TMLHE: variants seen among roughly 807,000 people sequenced by gnomAD.
TMLHE encodes the protein trimethyllysine hydroxylase, epsilon.
Under a neutral mutation model 25.7 loss-of-function variants are expected in TMLHE, and 18 were observed. That is an observed-to-expected ratio of 0.70 (90% confidence interval 0.48 to 1.04). TMLHE has a LOEUF of 1.04. TMLHE is among the 50% of genes least tolerant of loss of function. The pLI, the probability that TMLHE is intolerant of heterozygous loss-of-function variation, is 0.00. For missense variants in TMLHE, 236 were observed against 259.0 expected, an observed-to-expected ratio of 0.91 and a Z score of 0.61; for synonymous variants, 105 against 97.0, an observed-to-expected ratio of 1.08 and a Z score of -0.49.
At chrX:155,608,262 G>C (rs1265860377) in intron 1 of TMLHE, among the ~76,000 whole-genome samples, 1 of 111,763 alleles carries the variant, frequency 8.9e-6, no homozygotes, top group Non-Finnish European at 1.9e-5. Context: ...TGTGCCTACA[G>C]CCATCTGATC....
intron 1 of TMLHE, among the ~76,000 whole-genome samples, chrX:155,582,617 A>T (rs1376419552): frequency 8.9e-6 from 1 of 112,074 alleles, no homozygotes; most frequent in Non-Finnish European, 1.9e-5. Flanking sequence ...CAAAACCACA[A>T]TGAGATACCA....
chrX:155,506,097 C>G (rs1297839057), intron 6 of TMLHE, among the ~76,000 whole-genome samples: 1 of 111,047 alleles, frequency 9.0e-6, no homozygotes, highest in Non-Finnish European at 1.9e-5. Context: ...AGGAAGGACT[C>G]TAGTCTTTCT....
intron 3 of TMLHE, among the ~76,000 whole-genome samples, chrX:155,515,203 G>T (rs996771587): frequency 9.0e-6 from 1 of 110,579 alleles, no homozygotes; most frequent in Non-Finnish European, 1.9e-5. Context: ...TGTAATTTAT[G>T]TATATAAATA....
intron 1 of TMLHE, among the ~76,000 whole-genome samples, chrX:155,609,362 G>A (rs184415368): frequency 5.6e-4 from 62 of 111,001 alleles, no homozygotes; most frequent in African/African-American, 1.9e-3. Flanking sequence ...CAAAGAAGGG[G>A]ACAATAGACA....
chrX:155,557,022 C>G (rs1329098871), intron 1 of TMLHE, among the ~76,000 whole-genome samples: 7 of 112,399 alleles, frequency 6.2e-5, no homozygotes, highest in Non-Finnish European at 1.1e-4. Flanking sequence ...CTCTTATTCC[C>G]TGAACAACTG....
At chrX:155,555,622 T>A (rs1333819732) in intron 1 of TMLHE, among the ~76,000 whole-genome samples, 12 of 111,447 alleles carry the variant, frequency 1.1e-4, no homozygotes, top group African/African-American at 3.9e-4. Context: ...ATTTCTCTGA[T>A]GACCAGTGAT....
At chrX:155,533,482 G>T (rs1322703541) in intron 2 of TMLHE, among the ~76,000 whole-genome samples, 1 of 111,652 alleles carries the variant, frequency 9.0e-6, no homozygotes, top group Non-Finnish European at 1.9e-5. Flanking sequence ...GTAGGGTACT[G>T]CTGTAACAAA....
intron 4 of TMLHE, among the ~76,000 whole-genome samples, chrX:155,512,033 G>C (rs782352520): frequency 9.0e-6 from 1 of 111,267 alleles, no homozygotes; most frequent in South Asian, 3.8e-4. Flanking sequence ...TATTATGAAA[G>C]CTTGGAGAAT....
At chrX:155,572,523 G>T (rs2067561244) in intron 1 of TMLHE, among the ~76,000 whole-genome samples, 1 of 56,638 alleles carries the variant, frequency 1.8e-5, no homozygotes, top group African/African-American at 4.2e-5. Context: ...AGCCCGCATT[G>T]CCAAGTCAAT....
rs1244901928 is a variant in TMLHE at position 155,560,609 on chromosome X, TAGACTAGGCAGAGGGGATAGCCAATGCAA to T, written c.-1-15361_-1-15333del. Among the ~76,000 whole-genome samples, 16 of 53,590 alleles carry T rather than the reference TAGACTAGGCAGAGGGGATAGCCAATGCAA, an allele frequency of 3.0e-4. 2 individuals are homozygous for T. Among genetic ancestry groups the T allele is most frequent in the African/African-American group, 5.9e-4 (15 of 25,310 alleles). 46.5% of individuals were successfully genotyped at this position (53,590 alleles called of 115,157 possible). A position where few individuals can be genotyped will look rare whatever the true frequency, so the allele number is the denominator to read the frequency against. ...AGTCATAAGGATATCTGGGGTAAAG[TAGACTAGGCAGAGGGGATAGCCAATGCAA>T]AGGCTCTAAGTTGTGATTATATCTG... is the stretch of plus-strand genomic sequence containing the variant. On this transcript the variant is annotated intron_variant, in intron 1 of 7. Transcript: ENST00000334398.
chrX:155,579,934 A>G (rs1210817528), intron 1 of TMLHE, among the ~76,000 whole-genome samples: 1 of 109,115 alleles, frequency 9.2e-6, no homozygotes, highest in Non-Finnish European at 1.9e-5. Flanking sequence ...CACAACTAAG[A>G]CCTCAAAATC....
At chrX:155,568,548 C>T (rs1323070601) in intron 1 of TMLHE, among the ~76,000 whole-genome samples, 1 of 62,401 alleles carries the variant, frequency 1.6e-5, no homozygotes, top group Non-Finnish European at 4.5e-5. Context: ...GGTCCCTGAC[C>T]CCTGACCCCC....
intron 1 of TMLHE, among the ~76,000 whole-genome samples, chrX:155,603,292 T>A (rs953244799): frequency 1.8e-5 from 2 of 108,290 alleles, no homozygotes; most frequent in Non-Finnish European, 3.8e-5. Flanking sequence ...ACTGTGTCAC[T>A]GCACTCCAGC....
intron 3 of TMLHE, 97 bp from the exon 4 acceptor site, chrX:155,514,362 C>A: frequency 1.1e-6 from 1 of 891,508 alleles, no homozygotes; most frequent in Non-Finnish European, 1.5e-6. Flanking sequence ...TCCTAGCAAT[C>A]AGTTATCCAG....
chrX:155,555,807 C>G lies in TMLHE; in HGVS notation c.-1-10530G>C, dbSNP rs1251513621. 3.6e-5 allele frequency among the ~76,000 whole-genome samples: 4 copies of G among 110,039 alleles called. No homozygotes were observed. The East Asian group carries it at 8.5e-4, about 23-fold the overall frequency. ...ATGGGTAGACTGCAAAAATTTTCTC[C>G]CATTCTGTAGGTTGCCTGTTCACTC... is the stretch of plus-strand genomic sequence containing the variant. On this transcript the variant is annotated intron_variant, in intron 1 of 7. Coordinates refer to ENST00000334398, the MANE Select transcript of TMLHE (RefSeq NM_018196.4).
intron 2 of TMLHE, among the ~76,000 whole-genome samples, chrX:155,528,216 T>C (rs1185402537): frequency 4.5e-5 from 5 of 110,670 alleles, no homozygotes; most frequent in African/African-American, 1.6e-4. Context: ...TTATACTAGA[T>C]GGCAATCAGC....
At chrX:155,550,618 G>C (rs1470706830) in intron 1 of TMLHE, among the ~76,000 whole-genome samples, 1 of 110,683 alleles carries the variant, frequency 9.0e-6, no homozygotes, top group Non-Finnish European at 1.9e-5. Flanking sequence ...ACATCTCATA[G>C]CTGATTTACA....
At chrX:155,597,564 C>G (rs1366345216) in intron 1 of TMLHE, among the ~76,000 whole-genome samples, 3 of 111,841 alleles carry the variant, frequency 2.7e-5, no homozygotes, top group African/African-American at 9.8e-5. Flanking sequence ...TATTGTGGCA[C>G]TATTCACAAT....
At chrX:155,546,031 T>C (rs2067342657) in intron 1 of TMLHE, among the ~76,000 whole-genome samples, 1 of 110,296 alleles carries the variant, frequency 9.1e-6, no homozygotes, top group African/African-American at 3.3e-5. Context: ...CTATTCCGAC[T>C]ATGTGAAACT....
Sources: allele counts gnomAD v4.1 joint callset (sites outside exome capture counted in the v4.1 genomes callset), GRCh38; gene constraint gnomAD v4.1.1; transcripts MANE v1.5; gene names NCBI Gene and HGNC (gene_info 2026-07-23, HGNC 2026-07-21).